The following DAB1 variants were observed in gnomAD, a reference collection of about 807,000 sequenced individuals.
DAB1 encodes the protein DAB adaptor protein 1.
DAB1 carries 15 observed loss-of-function variants against 64.6 expected under a neutral mutation model. That is an observed-to-expected ratio of 0.23 (90% CI 0.16 to 0.36). The LOEUF is 0.36. Ranked by LOEUF, DAB1 falls within the 10% of genes least tolerant of loss-of-function variation. The probability of loss-of-function intolerance (pLI) is 1.00; values close to 1 mark genes in which losing one functional copy is unlikely to be tolerated. For synonymous variants in DAB1, 235 were observed against 251.9 expected, an observed-to-expected ratio of 0.93 and a Z score of 0.64; for missense variants, 596 against 706.7, an observed-to-expected ratio of 0.84 and a Z score of 1.78.
At chr1:57,057,206 C>A (rs1038016444) in intron 9 of DAB1, among the ~76,000 whole-genome samples, 68 of 152,066 alleles carry the variant, frequency 4.5e-4, no homozygotes, top group African/African-American at 1.5e-3. Context: ...CAACAAAAAA[C>A]AAAATAATGG....
At chr1:57,371,609 G>A (rs1284320579) in intron 1 of DAB1, among the ~76,000 whole-genome samples, 1 of 152,102 alleles carries the variant, frequency 6.6e-6, no homozygotes, top group Non-Finnish European at 1.5e-5. Context: ...CTAGGCCATG[G>A]GGAAACAAAA....
intron 7 of DAB1, among the ~76,000 whole-genome samples, chr1:57,625,802 G>A (rs1314141975): frequency 1.3e-4 from 20 of 152,084 alleles, no homozygotes; most frequent in Admixed American, 1.3e-3. Context: ...GTGGCCAAAA[G>A]GAGAAGGCCT....
intron 7 of DAB1, among the ~76,000 whole-genome samples, chr1:57,488,294 C>T (rs1325714049): frequency 6.7e-6 from 1 of 149,248 alleles, no homozygotes; most frequent in Non-Finnish European, 1.5e-5. Context: ...CCCAGGTACT[C>T]AGGAGGCTGA....
At chr1:57,578,910 G>A (rs563509694) in intron 7 of DAB1, among the ~76,000 whole-genome samples, 1 of 152,330 alleles carries the variant, frequency 6.6e-6, no homozygotes, top group South Asian at 2.1e-4. Context: ...TTTGCTACCT[G>A]CTGCTGAATC....
At chr1:57,452,166 C>CCTTTTTTTT (rs367685387) in intron 7 of DAB1, among the ~76,000 whole-genome samples, 15 of 75,006 alleles carry the variant, frequency 2.0e-4, no homozygotes, top group African/African-American at 3.0e-4. Context: ...TGCACCCCCC[C>CCTTTTTTTT]TTTTTTTTTT....
chr1:57,970,301 T>G (rs1469715228), intron 5 of DAB1, among the ~76,000 whole-genome samples: 1 of 152,094 alleles, frequency 6.6e-6, no homozygotes, highest in East Asian at 1.9e-4. Context: ...GTGAGAGAGC[T>G]TGGCTTCAGG....
intron 4 of DAB1, among the ~76,000 whole-genome samples, chr1:58,275,224 A>G (rs1661413489): frequency 6.6e-6 from 1 of 152,206 alleles, no homozygotes; most frequent in Admixed American, 6.5e-5. Flanking sequence ...AAACTATAAA[A>G]CTTTCAAAAG....
chr1:57,984,845 C>T (rs1646173545), intron 5 of DAB1, among the ~76,000 whole-genome samples: 2 of 152,112 alleles, frequency 1.3e-5, no homozygotes, highest in African/African-American at 4.8e-5. Flanking sequence ...GCTTTGGAAA[C>T]TACAGCTTTC....
At chr1:57,700,994 C>T (rs1426093903) in intron 6 of DAB1, among the ~76,000 whole-genome samples, 2 of 152,086 alleles carry the variant, frequency 1.3e-5, no homozygotes, top group Non-Finnish European at 2.9e-5. Context: ...CAAATCAAAA[C>T]CACAATGAGA....
At chr1:57,314,579 G>C (rs910019502) in intron 1 of DAB1, among the ~76,000 whole-genome samples, 2 of 152,074 alleles carry the variant, frequency 1.3e-5, no homozygotes, top group African/African-American at 4.8e-5. Flanking sequence ...ATTTACCCAG[G>C]TTTCCCACAG....
chr1:57,741,492 A>G (rs967697735), intron 6 of DAB1, among the ~76,000 whole-genome samples: 31 of 152,188 alleles, frequency 2.0e-4, no homozygotes, highest in African/African-American at 7.0e-4. Context: ...GTACACAGCC[A>G]CTATACCATA....
intron 5 of DAB1, among the ~76,000 whole-genome samples, chr1:57,964,166 A>G (rs941647943): frequency 6.6e-6 from 1 of 152,054 alleles, no homozygotes; most frequent in African/African-American, 2.4e-5. Context: ...CCCTAGAGAG[A>G]GTTGATGCTC....
intron 4 of DAB1, among the ~76,000 whole-genome samples, chr1:58,207,687 A>G (rs1382613392): frequency 6.6e-6 from 1 of 152,202 alleles, no homozygotes; most frequent in African/African-American, 2.4e-5. Flanking sequence ...TTGCAGGAGA[A>G]ATAGATAGAT....
intron 7 of DAB1, among the ~76,000 whole-genome samples, chr1:57,594,108 T>C (rs921789752): frequency 3.3e-5 from 5 of 152,194 alleles, no homozygotes; most frequent in Admixed American, 6.5e-5. Flanking sequence ...TGAATATTAC[T>C]GTCCTACTCC....
intron 5 of DAB1, among the ~76,000 whole-genome samples, chr1:58,077,023 A>G (rs186665649): frequency 4.4e-4 from 67 of 152,284 alleles, no homozygotes; most frequent in Admixed American, 2.4e-3. Context: ...GGCCCTGTGC[A>G]AGCAAAGCCT....
chr1:57,073,142 TC>T (rs1651665963), intron 4 of DAB1, among the ~76,000 whole-genome samples: 1 of 152,188 alleles, frequency 6.6e-6, no homozygotes. Flanking sequence ...AATTCCACCC[TC>T]ATTTGTGTAT....
At chr1:57,742,982 T>C (rs1648075802) in intron 6 of DAB1, among the ~76,000 whole-genome samples, 1 of 152,094 alleles carries the variant, frequency 6.6e-6, no homozygotes, top group African/African-American at 2.4e-5. Context: ...CAGGGAGGTG[T>C]GTATGCAATT....
rs539972275 is a variant in DAB1 at position 58,151,118 on chromosome 1, G to C, written n.310-530C>G. Among the ~76,000 whole-genome samples, 50 of 152,306 alleles carry C rather than the reference G, an allele frequency of 3.3e-4. 1 individual carries two copies. In the South Asian group the frequency reaches 0.01, roughly 31 times the overall value. On this transcript the variant is annotated intron_variant and non_coding_transcript_variant, in intron 4 of 20. Coordinates refer to the DAB1 transcript ENST00000485760. ...TGATGGACATTTGGGTTGGTTCCAA[G>C]TCTTTGGTATTGTGAATAGTGCCGC...
intron 7 of DAB1, among the ~76,000 whole-genome samples, chr1:57,561,622 A>T (rs1328723729): frequency 6.6e-6 from 1 of 152,186 alleles, no homozygotes; most frequent in Non-Finnish European, 1.5e-5. Context: ...GGATAGGATG[A>T]CCTGTTCTGT....
Sources: allele counts gnomAD v4.1 joint callset (sites outside exome capture counted in the v4.1 genomes callset), GRCh38; gene constraint gnomAD v4.1.1; transcripts MANE v1.5; gene names NCBI Gene and HGNC (gene_info 2026-07-23, HGNC 2026-07-21).